The following SWT1 variants were observed in gnomAD, a reference collection of about 807,000 sequenced individuals.
SWT1 encodes the protein SWT1 RNA endoribonuclease homolog, also known as transcriptional protein SWT1.
A neutral mutation model predicts 107.3 loss-of-function variants in SWT1; 33 were observed. That is an observed-to-expected ratio of 0.31 (90% CI 0.23 to 0.41). SWT1 has a LOEUF of 0.41. SWT1 is among the 10% of genes least tolerant of loss of function. The probability of loss-of-function intolerance (pLI) is 1.00; values close to 1 mark genes in which losing one functional copy is unlikely to be tolerated. For synonymous variants in SWT1, 345 were observed against 348.3 expected, an observed-to-expected ratio of 0.99 and a Z score of 0.11; for missense variants, 898 against 1,028.9, an observed-to-expected ratio of 0.87 and a Z score of 1.74.
At chr1:185,282,538 AT>A (rs1664699454) in intron 18 of SWT1, among the ~76,000 whole-genome samples, 1 of 152,044 alleles carries the variant, frequency 6.6e-6, no homozygotes, top group Admixed American at 6.6e-5. Context: ...TGAGTAAAAC[AT>A]AAATATTTCC....
chr1:185,167,912 C>A (rs911870705), intron 3 of SWT1, among the ~76,000 whole-genome samples: 4 of 152,188 alleles, frequency 2.6e-5, no homozygotes, highest in African/African-American at 9.7e-5. Flanking sequence ...TCTGCTTTGA[C>A]ACTTACTTAC....
intron 10 of SWT1, among the ~76,000 whole-genome samples, chr1:185,191,020 C>G (rs927030154): frequency 3.9e-5 from 6 of 152,012 alleles, no homozygotes; most frequent in African/African-American, 1.4e-4. Flanking sequence ...GTGCTGGGTG[C>G]CTATTACAGA....
chr1:185,174,424 T>C lies in SWT1; in HGVS notation c.277T>C (p.Ser93Pro), dbSNP rs769188877. Reference protein sequence around the residue: ...LRRRPKIGSSSQRPIKLKEAS... With the variant: ...LRRRPKIGSSPQRPIKLKEAS... ...AAGGAGACCAAAAATCGGTTCTTCA[T>C]CCCAAAGACCTATTAAACTCAAAGA... The change falls in exon 5 of 19, where the codon TCC becomes CCC. Residue 93 changes from serine (S) to proline (P), a missense_variant. This residue lies in a region of SWT1 where 382 missense variants were observed against 362.4 expected (regional missense o/e 1.05). Coordinates refer to ENST00000367500, the MANE Select transcript of SWT1 (RefSeq NM_017673.7). 3.1e-6 allele frequency: 5 copies of C among 1,593,180 alleles called. No homozygotes were observed. Among genetic ancestry groups the C allele is most frequent in the Admixed American group, 3.7e-5 (2 of 54,002 alleles).
Position 185,182,042 on chromosome 1 carries a change from G to A in SWT1, c.1123G>A (p.Val375Ile). Residue 375 changes from valine to isoleucine, a missense_variant, in exon 7 of 19, where the codon GTA becomes ATA. Physicochemically the swap from Val to Ile is conservative, Grantham distance 29. Transcript: ENST00000367500. ...MSMEIDLEDD[V>I]HSSSANNTSD... is the part of the protein sequence containing the mutation. ...TATGGAAATTGACTTAGAAGATGAT[G>A]TACATTCCTCCTCTGGTATACCCTA... 1 of 1,613,696 alleles carries A rather than the reference G, an allele frequency of 6.2e-7. No individual in the cohort carries two copies. Among genetic ancestry groups the A allele is most frequent in the South Asian group, 1.1e-5 (1 of 91,072 alleles).
chr1:185,231,489 C>A, intron 15 of SWT1, 88 bp from the exon 16 acceptor site: 1 of 938,338 alleles, frequency 1.1e-6, no homozygotes. Flanking sequence ...ATAAATACTA[C>A]TTTACTTTAT....
chr1:185,269,359 G>T (rs1276853071), intron 16 of SWT1, among the ~76,000 whole-genome samples: 2 of 145,764 alleles, frequency 1.4e-5, no homozygotes, highest in Non-Finnish European at 3.0e-5. Flanking sequence ...TTTTTGGAGG[G>T]TTAAGAGGTT....
At chr1:185,242,290 A>T (rs887209337) in intron 16 of SWT1, among the ~76,000 whole-genome samples, 1 of 152,196 alleles carries the variant, frequency 6.6e-6, no homozygotes, top group African/African-American at 2.4e-5. Context: ...AATACGTGGC[A>T]TTCACGTATC....
intron 14 of SWT1, among the ~76,000 whole-genome samples, chr1:185,218,503 G>T (rs1199849281): frequency 1.3e-5 from 2 of 152,016 alleles, no homozygotes; most frequent in Non-Finnish European, 2.9e-5. Flanking sequence ...TACAGACTAG[G>T]TCTCACTTTG....
chr1:185,168,455 T>A, intron 4 of SWT1, 57 bp downstream of exon 4: 1 of 1,167,770 alleles, frequency 8.6e-7, no homozygotes, highest in South Asian at 1.8e-5. Flanking sequence ...GACTAAATAT[T>A]TGGATTTAAA....
At chr1:185,199,189 G>T (rs956370485) in intron 10 of SWT1, among the ~76,000 whole-genome samples, 1 of 152,044 alleles carries the variant, frequency 6.6e-6, no homozygotes, top group Non-Finnish European at 1.5e-5. Context: ...ACCCACCTTG[G>T]CCTCCCAAAG....
intron 13 of SWT1, among the ~76,000 whole-genome samples, chr1:185,213,283 GTCCTGTGTGTAGCATCTC>G (rs1299763235): frequency 6.6e-6 from 1 of 152,160 alleles, no homozygotes; most frequent in African/African-American, 2.4e-5. Flanking sequence ...TCTACAGTCT[GTCCTGTGTGTAGCATCTC>G]TCATTACCCA....
intron 4 of SWT1, among the ~76,000 whole-genome samples, chr1:185,170,080 A>T (rs1317174586): frequency 6.6e-6 from 1 of 152,220 alleles, no homozygotes; most frequent in Non-Finnish European, 1.5e-5. Flanking sequence ...AACTCAATCC[A>T]CAAAGCACCA....
chr1:185,195,755 T>G (rs894650979), intron 10 of SWT1, among the ~76,000 whole-genome samples: 11 of 152,272 alleles, frequency 7.2e-5, no homozygotes, highest in Admixed American at 7.2e-4. Flanking sequence ...CCAGTAATGA[T>G]GAGCCTTTTT....
At chr1:185,252,502 T>C (rs905835656) in intron 16 of SWT1, among the ~76,000 whole-genome samples, 5 of 152,250 alleles carry the variant, frequency 3.3e-5, no homozygotes, top group African/African-American at 1.2e-4. Context: ...TATCCCATTG[T>C]GGTTTTGATT....
intron 2 of SWT1, among the ~76,000 whole-genome samples, chr1:185,165,252 C>T (rs1654471156): frequency 6.6e-6 from 1 of 152,164 alleles, no homozygotes; most frequent in African/African-American, 2.4e-5. Context: ...GATCACAGGT[C>T]CCATAGCAGT....
chr1:185,173,921 G>A (rs1655317158), intron 4 of SWT1, among the ~76,000 whole-genome samples: 1 of 152,080 alleles, frequency 6.6e-6, no homozygotes, highest in Non-Finnish European at 1.5e-5. Context: ...TGGTAGTCTG[G>A]GAGGTAGAAG....
chr1:185,266,301 T>C (rs952444094), intron 16 of SWT1, among the ~76,000 whole-genome samples: 1 of 152,208 alleles, frequency 6.6e-6, no homozygotes, highest in Non-Finnish European at 1.5e-5. Flanking sequence ...CCTGACCTCG[T>C]GATCTGCCCG....
At chr1:185,191,677 G>GTT (rs1401296850) in intron 10 of SWT1, among the ~76,000 whole-genome samples, 2 of 151,976 alleles carry the variant, frequency 1.3e-5, no homozygotes, top group Non-Finnish European at 2.9e-5. Context: ...TATTACTTTG[G>GTT]AGTTTGTTGA....
chr1:185,288,285 G>A (rs1033070268), intron 18 of SWT1, among the ~76,000 whole-genome samples: 1 of 152,024 alleles, frequency 6.6e-6, no homozygotes, highest in Non-Finnish European at 1.5e-5. Flanking sequence ...ACACTGTATT[G>A]CTTAGGCTGC....
Sources: gnomAD v4.1 joint callset for allele counts (sites outside exome capture counted in the v4.1 genomes callset) on GRCh38, gnomAD v4.1.1 for gene constraint, gnomAD v4.1.1 regional missense constraint, MANE v1.5 for transcripts, NCBI Gene and HGNC (gene_info 2026-07-23, HGNC 2026-07-21) for gene names.